Variants in AMOTL1 observed in about 807,000 individuals in gnomAD.
AMOTL1 encodes angiomotin like 1.
AMOTL1 carries 45 observed loss-of-function variants against 102.9 expected under a neutral mutation model. The ratio of observed to expected loss-of-function variants is 0.44; its 90% confidence interval spans 0.34 to 0.56. AMOTL1 has a LOEUF of 0.56. AMOTL1 is among the 20% of genes least tolerant of loss of function. AMOTL1 has a pLI of 0.01. For missense variants in AMOTL1, 1,114 were observed against 1,225.6 expected (o/e 0.91, Z 1.36); for synonymous variants, 481 against 484.7 (o/e 0.99, Z 0.10).
At chr11:94,728,493 A>G (rs111610285) in intron 1 of AMOTL1, among the ~76,000 whole-genome samples, 1,631 of 152,316 alleles carry the variant, frequency 0.011, 39 homozygotes, top group African/African-American at 0.037. Flanking sequence ...CAAGGAAGAT[A>G]AAAAGTAGTC....
At chr11:94,822,662 G>T (rs1336589374) in intron 4 of AMOTL1, among the ~76,000 whole-genome samples, 1 of 152,156 alleles carries the variant, frequency 6.6e-6, no homozygotes, top group Non-Finnish European at 1.5e-5. Context: ...AGCCTGTGTA[G>T]TTACTGTTGG....
At chr11:94,811,512 C>CT (rs1000622719) in intron 3 of AMOTL1, among the ~76,000 whole-genome samples, 12 of 150,948 alleles carry the variant, frequency 7.9e-5, no homozygotes, top group Non-Finnish European at 1.5e-4. Flanking sequence ...AAAAAAAATT[C>CT]TTTTTTTTAC....
chr11:94,796,597 G>A (rs973513499), intron 2 of AMOTL1, among the ~76,000 whole-genome samples: 1 of 152,192 alleles, frequency 6.6e-6, no homozygotes, highest in Non-Finnish European at 1.5e-5. Context: ...GAGTGGCTGA[G>A]GGCACGGAAG....
chr11:94,792,211 A>G (rs957690184), intron 1 of AMOTL1, among the ~76,000 whole-genome samples: 4 of 152,220 alleles, frequency 2.6e-5, no homozygotes, highest in Non-Finnish European at 5.9e-5. Flanking sequence ...TGAGCAAACT[A>G]TCGCAAGGAC....
chr11:94,868,014 G>A (rs138811595), intron 11 of AMOTL1, among the ~76,000 whole-genome samples: 44 of 152,342 alleles, frequency 2.9e-4, no homozygotes, highest in Non-Finnish European at 5.1e-4. Context: ...TGTGGGAAGC[G>A]CAGGTGAAGG....
chr11:94,795,189 G>A (rs1445297623), intron 2 of AMOTL1, 29 bp downstream of exon 2: 3 of 1,610,678 alleles, frequency 1.9e-6, no homozygotes, highest in Non-Finnish European at 2.5e-6. Context: ...ACTTGTGTTG[G>A]AAAAGCAAAA....
intron 1 of AMOTL1, among the ~76,000 whole-genome samples, chr11:94,726,310 T>C (rs1249910775): frequency 6.6e-6 from 1 of 152,218 alleles, no homozygotes; most frequent in Non-Finnish European, 1.5e-5. Context: ...TTGAGAGCTT[T>C]ATGAGATCTA....
chr11:94,722,692 A>G (rs188624360), intron 1 of AMOTL1, among the ~76,000 whole-genome samples: 1 of 152,290 alleles, frequency 6.6e-6, no homozygotes, highest in Non-Finnish European at 1.5e-5. Flanking sequence ...CAAGTTAAGC[A>G]AGCAAGTTGG....
intron 2 of AMOTL1, among the ~76,000 whole-genome samples, chr11:94,737,876 G>A (rs1476658223): frequency 6.6e-6 from 1 of 152,228 alleles, no homozygotes; most frequent in Non-Finnish European, 1.5e-5. Flanking sequence ...AGAGCAAAAT[G>A]GAGAATGGGT....
intron 1 of AMOTL1, among the ~76,000 whole-genome samples, chr11:94,780,069 G>T (rs1951086781): frequency 6.6e-6 from 1 of 152,134 alleles, no homozygotes; most frequent in Non-Finnish European, 1.5e-5. Context: ...TTTGATCTCT[G>T]TCCTATTATA....
chr11:94,746,396 TA>T (rs1359197504), intron 3 of AMOTL1, among the ~76,000 whole-genome samples: 2 of 152,186 alleles, frequency 1.3e-5, no homozygotes, highest in African/African-American at 2.4e-5. Flanking sequence ...GCCCTGTGAA[TA>T]ACCTTGACTG....
chr11:94,798,508 G>A (rs1951408761), intron 2 of AMOTL1, among the ~76,000 whole-genome samples: 1 of 152,172 alleles, frequency 6.6e-6, no homozygotes, highest in Non-Finnish European at 1.5e-5. Flanking sequence ...GTTGGCATGG[G>A]TGGTTAAGTA....
chr11:94,741,100 C>A lies in AMOTL1; in HGVS notation c.136+112C>A, dbSNP rs377023170. Reference sequence around the variant, plus strand: ...TAGGGATGGGGCTGGGGTTGGAGGGCGGAGGGAAAGGGTCAGGGGACACCT... The same window carrying A: ...TAGGGATGGGGCTGGGGTTGGAGGGAGGAGGGAAAGGGTCAGGGGACACCT... On this transcript the variant is annotated intron_variant, in intron 3 of 4. Transcript: ENST00000299004. The A allele has an allele frequency of 1.2e-4, 115 of 923,536 alleles. No homozygotes were observed. In the African/African-American group the frequency reaches 1.8e-3, roughly 15 times the overall value. 57.2% of individuals were successfully genotyped at this position (923,536 alleles called of 1,614,324 possible).
At chr11:94,835,618 G>A (rs962460619) in intron 6 of AMOTL1, among the ~76,000 whole-genome samples, 6 of 152,190 alleles carry the variant, frequency 3.9e-5, no homozygotes, top group African/African-American at 1.2e-4. Flanking sequence ...CTTGAATTGA[G>A]TGGGACCTGA....
rs191990713 is a variant in AMOTL1 at position 94,829,023 on chromosome 11, C to G, written c.1414-1027C>G. On this transcript the variant is annotated intron_variant, in intron 4 of 12. Coordinates refer to ENST00000433060, the MANE Select transcript of AMOTL1 (RefSeq NM_130847.3). ...TATTGATATCTACATCAAAATCACA[C>G]TATTATATCAAACTCCTGTTAGAAT... Among the ~76,000 whole-genome samples the G allele has an allele frequency of 4.3e-4, 66 of 152,236 alleles. No individual in the cohort carries two copies. In the East Asian group the frequency reaches 0.013, roughly 29 times the overall value.
intron 2 of AMOTL1, among the ~76,000 whole-genome samples, chr11:94,732,281 T>C (rs1306304357): frequency 6.6e-6 from 1 of 151,782 alleles, no homozygotes; most frequent in South Asian, 2.1e-4. Flanking sequence ...TGTTGAGTCA[T>C]AGGCCTTGAG....
chr11:94,826,875 A>C (rs1483765043), intron 4 of AMOTL1, among the ~76,000 whole-genome samples: 1 of 152,158 alleles, frequency 6.6e-6, no homozygotes, highest in African/African-American at 2.4e-5. Context: ...TTCTGAACTA[A>C]GATCCTTGTT....
chr11:94,755,815 T>G (rs753999487), intron 3 of AMOTL1, among the ~76,000 whole-genome samples: 17 of 152,160 alleles, frequency 1.1e-4, no homozygotes, highest in Non-Finnish European at 2.4e-4. Flanking sequence ...TGTGTTACAG[T>G]GTGCTCTTTC....
intron 6 of AMOTL1, among the ~76,000 whole-genome samples, chr11:94,832,873 A>G (rs1480407285): frequency 6.6e-6 from 1 of 152,260 alleles, no homozygotes; most frequent in Non-Finnish European, 1.5e-5. Flanking sequence ...GTCAAGGGAC[A>G]TAATTTGATT....
Sources: gnomAD v4.1 joint callset for allele counts (sites outside exome capture counted in the v4.1 genomes callset) on GRCh38, gnomAD v4.1.1 for gene constraint, MANE v1.5 for transcripts, NCBI Gene and HGNC (gene_info 2026-07-23, HGNC 2026-07-21) for gene names.